ZNF43: variants seen among roughly 807,000 people sequenced by gnomAD.
ZNF43 encodes the protein zinc finger protein 43.
A neutral mutation model predicts 68.4 loss-of-function variants in ZNF43; 44 were observed. The observed-to-expected ratio is 0.64, with a 90% CI of 0.51 to 0.83. ZNF43 has a LOEUF of 0.83. Ranked by LOEUF, ZNF43 falls within the 40% of genes least tolerant of loss-of-function variation. ZNF43 has a pLI of 0.00. For missense variants in ZNF43, 896 were observed against 933.2 expected, an observed-to-expected ratio of 0.96 and a Z score of 0.52; for synonymous variants, 308 against 307.8, an observed-to-expected ratio of 1.00 and a Z score of -0.01.
At chr19:21,834,120 C>G (rs1599521320) in intron 1 of ZNF43, among the ~76,000 whole-genome samples, 1 of 151,436 alleles carries the variant, frequency 6.6e-6, no homozygotes, top group East Asian at 2.0e-4. Flanking sequence ...GGTGGATCAT[C>G]TGAGGTTAGG....
At position 21,809,666 on chromosome 19, in the gene ZNF43, C is replaced by T. The variant is rs756637120; in HGVS notation, c.371G>A (p.Cys124Tyr). 1.2e-6 allele frequency: 2 copies of T among 1,613,442 alleles called. No individual in the cohort carries two copies. Among genetic ancestry groups the T allele is most frequent in the African/African-American group, 1.3e-5 (1 of 74,826 alleles). The change falls in exon 4 of 4, where the codon TGT (cysteine) becomes TAT (tyrosine). Residue 124 changes from cysteine to tyrosine, a missense_variant. Physicochemically the swap from Cys to Tyr is radical, Grantham distance 194. Coordinates refer to ENST00000354959, the MANE Select transcript of ZNF43 (RefSeq NM_003423.4). ...LKKDHKSVDE[C>Y]KVHRGGYNGF... The stretch of plus-strand genomic sequence containing the variant: ...ATTATAACCTCCTCTGTGCACCTTA[C>T]ACTCATCCACACTTTTATGGTCTTT...
intron 1 of ZNF43, among the ~76,000 whole-genome samples, chr19:21,842,798 C>T (rs1967634965): frequency 6.6e-6 from 1 of 152,108 alleles, no homozygotes; most frequent in South Asian, 2.1e-4. Context: ...AGTTTATGGG[C>T]CCAGGCAAAT....
At position 21,805,157 on chromosome 19, in the gene ZNF43, A is replaced by G. The variant is rs2036879699; in HGVS notation, c.*2450T>C. The G allele has an allele frequency of 6.6e-6, 1 of 152,154 alleles. No homozygotes were observed. Among genetic ancestry groups the G allele is most frequent in the Non-Finnish European group, 1.5e-5 (1 of 68,022 alleles). 9.4% of individuals were successfully genotyped at this position (152,154 alleles called of 1,614,324 possible). On this transcript the variant is annotated 3_prime_UTR_variant, in exon 4 of 4. Coordinates refer to ENST00000354959, the MANE Select transcript of ZNF43 (RefSeq NM_003423.4). Reference sequence around the variant, plus strand: ...TTATATGCCTGTATCAAAACATGTTATATATTGCATAAATATATACACATT... The same window carrying G: ...TTATATGCCTGTATCAAAACATGTTGTATATTGCATAAATATATACACATT...
At chr19:21,850,588 C>T (rs1438871084) in intron 1 of ZNF43, among the ~76,000 whole-genome samples, 1 of 152,118 alleles carries the variant, frequency 6.6e-6, no homozygotes, top group East Asian at 1.9e-4. Context: ...AAAGAAAGGG[C>T]CTGGGCAGGA....
At chr19:21,811,020 A>G (rs2037247131) in intron 3 of ZNF43, among the ~76,000 whole-genome samples, 1 of 152,174 alleles carries the variant, frequency 6.6e-6, no homozygotes, top group South Asian at 2.1e-4. Context: ...CCAAAATTGC[A>G]TAAAACTAGG....
rs145999780 is a variant in ZNF43, at chr19:21,849,348, C to T, written c.30+2557G>A. ...TACTCAAAATACAAAATTAGCCAGG[C>T]GTAGTGGCACATGCCTGTAATCCCA... On this transcript the variant is annotated intron_variant, in intron 1 of 3. Transcript: ENST00000357491. Among the ~76,000 whole-genome samples the T allele has an allele frequency of 5.8e-3, 877 of 151,742 alleles. 5 individuals carry two copies. The highest frequency in any genetic ancestry group is 0.02 in the African/African-American group (838 of 41,328).
intron 1 of ZNF43, among the ~76,000 whole-genome samples, chr19:21,847,688 C>T (rs190764089): frequency 7.0e-4 from 90 of 128,768 alleles, no homozygotes; most frequent in Non-Finnish European, 1.1e-3. Flanking sequence ...CAGAGTGAGA[C>T]TCCGTCTCCG....
At chr19:21,815,530 C>T (rs919183343) in intron 3 of ZNF43, among the ~76,000 whole-genome samples, 2 of 137,460 alleles carry the variant, frequency 1.5e-5, no homozygotes, top group Non-Finnish European at 3.1e-5. Context: ...CGGTTACAGC[C>T]TCTGATATAT....
intron 1 of ZNF43, among the ~76,000 whole-genome samples, chr19:21,822,554 C>T (rs1054954299): frequency 1.3e-5 from 2 of 152,098 alleles, no homozygotes; most frequent in African/African-American, 4.8e-5. Flanking sequence ...GCCTGTAATC[C>T]CAGCACTTTG....
chr19:21,843,473 C>T, intron 1 of ZNF43: 1 of 775,680 alleles, frequency 1.3e-6, no homozygotes, highest in Non-Finnish European at 1.6e-6. Context: ...TCAATCTCTT[C>T]TGCGGACTGT....
At chr19:21,826,168 C>CA (rs1220891655) in intron 1 of ZNF43, among the ~76,000 whole-genome samples, 1 of 151,958 alleles carries the variant, frequency 6.6e-6, no homozygotes, top group Non-Finnish European at 1.5e-5. Context: ...ACCAAATAGG[C>CA]AAAAAAACAA....
At chr19:21,851,977 G>C (rs1459489516) in exon 1 of ZNF43, 1 of 1,533,946 alleles carries the variant, frequency 6.5e-7, no homozygotes, top group Non-Finnish European at 8.8e-7. Flanking sequence ...ACAGGGTAAC[G>C]GAGGCTGCGA....
At chr19:21,832,575 T>C (rs1468703897) in intron 1 of ZNF43, among the ~76,000 whole-genome samples, 5 of 152,198 alleles carry the variant, frequency 3.3e-5, no homozygotes, top group East Asian at 3.9e-4. Context: ...AAGAAAACTA[T>C]GAACAGACTA....
At chr19:21,839,508 G>A (rs1967368671), upstream of ZNF43, 1 of 152,060 alleles carries the variant, frequency 6.6e-6, no homozygotes, top group Admixed American at 6.6e-5. Flanking sequence ...GGAATAAGAG[G>A]AGTCACATCA....
At chr19:21,852,036 G>C in exon 1 of ZNF43, 1 of 1,327,862 alleles carries the variant, frequency 7.5e-7, no homozygotes, top group Non-Finnish European at 1.0e-6. Context: ...AAGCAGAGGC[G>C]GGTCCCAAGG....
chr19:21,808,570 T>C lies in ZNF43; in HGVS notation c.1467A>G (p.Lys489=). Residue 489 remains lysine (K), a synonymous_variant, in exon 4 of 4, where the codon AAA becomes AAG. Transcript: ENST00000354959. The stretch of plus-strand genomic sequence containing the variant: ...TAAGGTTTGAGGACCGGCTAAAAGC[T>C]TTGCCACATTCTTCACATTTGTACG... The part of the protein sequence containing the change: ...EKPYKCEECG[K]AFSRSSNLTK... The C allele has an allele frequency of 6.2e-7, 1 of 1,613,594 alleles. No homozygotes were observed. The highest frequency in any genetic ancestry group is 8.5e-7 in the Non-Finnish European group (1 of 1,179,840).
At chr19:21,832,633 A>C (rs1403616883) in intron 1 of ZNF43, among the ~76,000 whole-genome samples, 1 of 102,952 alleles carries the variant, frequency 9.7e-6, no homozygotes, top group Non-Finnish European at 2.0e-5. Context: ...TTAGGAGGCC[A>C]AGGCAGGCAG....
chr19:21,819,938 C>A (rs2037715310), intron 1 of ZNF43, among the ~76,000 whole-genome samples: 1 of 152,030 alleles, frequency 6.6e-6, no homozygotes, highest in Admixed American at 6.6e-5. Context: ...GTGGCTCACA[C>A]CTGTAATCCT....
intron 1 of ZNF43, among the ~76,000 whole-genome samples, chr19:21,834,871 CTG>C (rs1208615671): frequency 6.6e-6 from 1 of 150,550 alleles, no homozygotes; most frequent in African/African-American, 2.5e-5. Context: ...ATTAAAATAT[CTG>C]TATCAAAAAT....
Sources: allele counts gnomAD v4.1 joint callset (sites outside exome capture counted in the v4.1 genomes callset), GRCh38; gene constraint gnomAD v4.1.1; transcripts MANE v1.5; gene names NCBI Gene and HGNC (gene_info 2026-07-23, HGNC 2026-07-21).